Variants in GEMIN5 observed in about 807,000 individuals in gnomAD.
GEMIN5 encodes the protein gem-associated protein 5.
A neutral mutation model predicts 176.9 loss-of-function variants in GEMIN5; 124 were observed. The observed-to-expected ratio is 0.70, with a 90% CI of 0.61 to 0.81. GEMIN5 has a LOEUF of 0.81. Among genes scored for constraint, GEMIN5 ranks in the 40% least tolerant of loss-of-function variants. The probability of loss-of-function intolerance (pLI) is 0.00; values close to 1 mark genes in which losing one functional copy is unlikely to be tolerated. For missense variants in GEMIN5, 1,843 were observed against 1,814.6 expected, an observed-to-expected ratio of 1.02 and a Z score of -0.28; for synonymous variants, 673 against 665.2, an observed-to-expected ratio of 1.01 and a Z score of -0.18.
At chr5:154,893,546 T>C (rs1363598799) in intron 24 of GEMIN5, among the ~76,000 whole-genome samples, 1 of 152,132 alleles carries the variant, frequency 6.6e-6, no homozygotes, top group Non-Finnish European at 1.5e-5. Context: ...ACCAGCAAAA[T>C]CAAGACAGAA....
rs756918463 is a variant in GEMIN5, at chr5:154,932,122, G to A, written c.638C>T (p.Ser213Phe). The A allele has an allele frequency of 6.2e-7, 1 of 1,613,554 alleles. No individual in the cohort carries two copies. Among genetic ancestry groups the A allele is most frequent in the South Asian group, 1.1e-5 (1 of 91,004 alleles). Reference sequence around the variant, plus strand: ...ACCTGAAGTTTCCTCTTGGTTTATAGATAAACAATCTTCACCAGGCAGGGG... The same window carrying A: ...ACCTGAAGTTTCCTCTTGGTTTATAAATAAACAATCTTCACCAGGCAGGGG... The part of the protein sequence containing the change: ...WCPLPGEDCL[S>F]INQEETSEEA... The change falls in exon 4 of 28, where the codon TCT becomes TTT. Residue 213 changes from serine to phenylalanine, a missense_variant. Transcript: ENST00000285873.
At chr5:154,927,052 G>GA (rs60191789) in intron 7 of GEMIN5, among the ~76,000 whole-genome samples, 138,703 of 146,776 alleles carry the variant, frequency 0.94, 65,644 homozygotes, top group South Asian at 0.98. Context: ...CTCTGTCTCA[G>GA]AAAAAAAAAA....
chr5:154,933,547 T>C lies in GEMIN5; in HGVS notation c.510-1297A>G, dbSNP rs559459776. Among the ~76,000 whole-genome samples the C allele has an allele frequency of 4.6e-5, 7 of 152,336 alleles. No individual in the cohort carries two copies. The East Asian group carries it at 1.2e-3, about 25-fold the overall frequency. ...CAATTTCAGGTTTGATGACTAGTAA[T>C]GGAACTGCCAGGATGTTAAGATATA... On this transcript the variant is annotated intron_variant, in intron 3 of 27. Transcript: ENST00000285873.
At chr5:154,891,048 G>A (rs1763213185) in intron 26 of GEMIN5, among the ~76,000 whole-genome samples, 193 bp downstream of exon 26, 1 of 131,716 alleles carries the variant, frequency 7.6e-6, no homozygotes, top group Non-Finnish European at 1.6e-5. Flanking sequence ...GATCCACTGT[G>A]CCCGGGCTTT....
chr5:154,912,876 C>A, intron 14 of GEMIN5, 23 bp downstream of exon 14: 6 of 1,602,606 alleles, frequency 3.7e-6, no homozygotes, highest in Non-Finnish European at 5.1e-6. Flanking sequence ...GAAGGACCCA[C>A]AGGGACAAGG....
At chr5:154,911,984 C>A in intron 14 of GEMIN5, 86 bp from the exon 15 acceptor site, 2 of 1,247,636 alleles carry the variant, frequency 1.6e-6, no homozygotes, top group Admixed American at 5.5e-5. Context: ...AAACAAAAAA[C>A]AAAAAACAAA....
chr5:154,888,864 T>TGTTTG (rs1263483640), intron 27 of GEMIN5, among the ~76,000 whole-genome samples: 1 of 151,490 alleles, frequency 6.6e-6, no homozygotes. Flanking sequence ...TTTTTTGTTT[T>TGTTTG]GTTTTTTTTT....
Position 154,888,355 on chromosome 5 carries a change from A to C in GEMIN5, c.4382T>G (p.Leu1461Arg), listed in dbSNP as rs772177517. 1 of 1,614,142 alleles carries C rather than the reference A, an allele frequency of 6.2e-7. No homozygotes were observed. Among genetic ancestry groups the C allele is most frequent in the Non-Finnish European group, 8.5e-7 (1 of 1,180,012 alleles). ...SIKAWPFPDV[L>R]ECCLVLLLIR... ...GAGAAGCAGGACGAGGCAGCACTCC[A>C]GCACATCTGGGAAGGGCCAGGCCTG... Residue 1461 changes from leucine to arginine, a missense_variant, in exon 28 of 28, where the codon CTG becomes CGG. Physicochemically the swap from Leu to Arg is moderately radical, Grantham distance 102. Coordinates refer to ENST00000285873, the MANE Select transcript of GEMIN5 (RefSeq NM_015465.5).
chr5:154,900,177 A>T (rs1415491633), intron 21 of GEMIN5, among the ~76,000 whole-genome samples: 5 of 152,232 alleles, frequency 3.3e-5, no homozygotes, highest in Admixed American at 2.0e-4. Flanking sequence ...GGTGATAGTA[A>T]GGAATGTGGT....
chr5:154,920,175 A>G, intron 10 of GEMIN5, 72 bp from the exon 11 acceptor site: 1 of 1,127,766 alleles, frequency 8.9e-7, no homozygotes, highest in Non-Finnish European at 1.3e-6. Flanking sequence ...CTATAGTATG[A>G]CCATACCATA....
Position 154,925,898 on chromosome 5 carries a change from T to G in GEMIN5, c.1257A>C (p.Lys419Asn), listed in dbSNP as rs989542922. 4 of 1,613,740 alleles carry G rather than the reference T, an allele frequency of 2.5e-6. No homozygotes were observed. The highest frequency in any genetic ancestry group is 2.5e-6 in the Non-Finnish European group (3 of 1,179,772). Residue 419 changes from lysine to asparagine, a missense_variant, in exon 8 of 28, where the codon AAA becomes AAC. By Grantham distance (94) the Lys-to-Asn change is moderately conservative. Coordinates refer to ENST00000285873, the MANE Select transcript of GEMIN5 (RefSeq NM_015465.5). ...TGGACTTCACGCCTTGCCAAAAATTTTTCACATCATAGTTGTTCTTTATGG... is the reference window on the plus strand; with the variant it reads ...TGGACTTCACGCCTTGCCAAAAATTGTTCACATCATAGTTGTTCTTTATGG... ...TLSIKNNYDVKNFWQGVKSKV... is the reference protein window; with the variant it reads ...TLSIKNNYDVNNFWQGVKSKV...
At chr5:154,924,409 G>T in intron 9 of GEMIN5, 60 bp downstream of exon 9, 1 of 948,572 alleles carries the variant, frequency 1.1e-6, no homozygotes, top group Non-Finnish European at 1.7e-6. Context: ...TTCTAGAGCA[G>T]GGGTGGCCAA....
intron 24 of GEMIN5, among the ~76,000 whole-genome samples, chr5:154,893,097 A>AAAAC (rs144711443): frequency 0.11 from 16,837 of 151,390 alleles, 1,112 homozygotes; most frequent in African/African-American, 0.18. Flanking sequence ...ACTCCCTCTC[A>AAAAC]AAACAAACAA....
chr5:154,904,892 AC>A (rs1763538949), intron 17 of GEMIN5, among the ~76,000 whole-genome samples: 1 of 152,186 alleles, frequency 6.6e-6, no homozygotes, highest in African/African-American at 2.4e-5. Flanking sequence ...CAAAAGCATG[AC>A]CCAAAATGGA....
At chr5:154,889,289 T>G (rs990945636) in intron 27 of GEMIN5, 32 bp downstream of exon 27, 27 of 1,110,964 alleles carry the variant, frequency 2.4e-5, no homozygotes, top group Non-Finnish European at 3.7e-5. Flanking sequence ...CAAAAAGTGA[T>G]GCTTTACCAA....
rs150306628 is a variant in GEMIN5 at position 154,899,572 on chromosome 5, A to C, written c.3015-262T>G. Among the ~76,000 whole-genome samples, 441 of 152,286 alleles carry C rather than the reference A, an allele frequency of 2.9e-3. 2 individuals carry two copies. The highest frequency in any genetic ancestry group is 0.01 in the African/African-American group (429 of 41,554). ...ACCTTTCAGAGGGTTCATGAGGTTA[A>C]AACTATTTTCGTAACAATGCTAAGA... is the stretch of plus-strand genomic sequence containing the variant. On this transcript the variant is annotated intron_variant, in intron 21 of 27. Transcript: ENST00000285873.
At chr5:154,907,523 A>T in intron 16 of GEMIN5, 68 bp downstream of exon 16, 1 of 1,102,740 alleles carries the variant, frequency 9.1e-7, no homozygotes, top group South Asian at 1.3e-5. Context: ...CAAACTGAGT[A>T]AGGACCTAGC....
At chr5:154,902,259 C>CA (rs1359217155) in intron 20 of GEMIN5, among the ~76,000 whole-genome samples, 1 of 152,324 alleles carries the variant, frequency 6.6e-6, no homozygotes, top group East Asian at 1.9e-4. Flanking sequence ...CTGGGGACTA[C>CA]AGACTTGTGC....
intron 15 of GEMIN5, 65 bp downstream of exon 15, chr5:154,911,662 C>G (rs1241111950): frequency 1.1e-5 from 16 of 1,400,686 alleles, no homozygotes; most frequent in Non-Finnish European, 1.6e-5. Context: ...CTTGCTCAAT[C>G]CTGATCAACT....
Sources: gnomAD v4.1 joint callset for allele counts (sites outside exome capture counted in the v4.1 genomes callset) on GRCh38, gnomAD v4.1.1 for gene constraint, MANE v1.5 for transcripts, NCBI Gene and HGNC (gene_info 2026-07-23, HGNC 2026-07-21) for gene names.